NHSL1: variants seen among roughly 807,000 people sequenced by gnomAD.
The protein encoded by NHSL1 is NHS-like protein 1.
A neutral mutation model predicts 95.0 loss-of-function variants in NHSL1; 48 were observed. That is an observed-to-expected ratio of 0.51 (90% CI 0.40 to 0.64). The LOEUF (loss-of-function observed/expected upper bound fraction) is 0.64. NHSL1 is among the 30% of genes least tolerant of loss of function. NHSL1 has a pLI of 0.00. For synonymous variants in NHSL1, 783 were observed against 833.9 expected (o/e 0.94, Z 1.05); for missense variants, 1,971 against 2,077.7 (o/e 0.95, Z 1.00).
rs1775794232 is a variant in NHSL1 at position 138,432,798 on chromosome 6, A to G, written c.1547T>C (p.Met516Thr). The G allele has an allele frequency of 1.3e-6, 2 of 1,551,578 alleles. No homozygotes were observed. Among genetic ancestry groups the G allele is most frequent in the Non-Finnish European group, 1.7e-6 (2 of 1,146,992 alleles). Residue 516 changes from methionine to threonine, a missense_variant, in exon 6 of 8, where the codon ATG (methionine) becomes ACG (threonine). Met to Thr is a moderately conservative substitution (Grantham distance 81). Transcript: ENST00000343505. This position sits in a 1 kb window ranked among gnomAD's most constrained non-coding sequence, Gnocchi z 4.4. ...PANRENGSQA[M>T]PYNCRNNLAF... is the part of the protein sequence containing the mutation. The stretch of plus-strand genomic sequence containing the variant: ...CAGGTTGTTTCTACAATTATACGGC[A>G]TAGCTTGGGACCCATTCTCCCTATT...
Position 138,692,209 on chromosome 6 carries a change from A to G in NHSL1, c.96+267T>C. On this transcript the variant is annotated intron_variant, in intron 1 of 3. Transcript: ENST00000491526. The surrounding 1 kb of genome is among the most constrained non-coding windows in gnomAD (Gnocchi z 4.0). ...ACAGACACAGACAGACAGAAGGAGC[A>G]GACAAGGGGACTGTCCAATTCCCAC... is the stretch of plus-strand genomic sequence containing the variant. 1 of 456,682 alleles carries G rather than the reference A, an allele frequency of 2.2e-6. No homozygotes were observed. The highest frequency in any genetic ancestry group is 7.0e-5 in the East Asian group (1 of 14,378). The allele number at this position is 456,682 out of a possible 1,614,324, so 28.3% of individuals were successfully genotyped here.
At chr6:138,547,454 C>T (rs1782844788), upstream of NHSL1, among the ~76,000 whole-genome samples, 1 of 152,174 alleles carries the variant, frequency 6.6e-6, no homozygotes, top group Non-Finnish European at 1.5e-5. Context: ...GATCTCAGCT[C>T]ACTGCAAGCT....
Position 138,674,283 on chromosome 6 carries a change from T to A in NHSL1, c.96+18193A>T, listed in dbSNP as rs74986163. Among the ~76,000 whole-genome samples the A allele has an allele frequency of 3.7e-4, 10 of 26,756 alleles. No homozygotes were observed. In the South Asian group the frequency reaches 0.043, roughly 116 times the overall value. 17.6% of individuals were successfully genotyped at this position (26,756 alleles called of 152,430 possible). A position where few individuals can be genotyped will look rare whatever the true frequency, so the allele number is the denominator to read the frequency against. On this transcript the variant is annotated intron_variant, in intron 1 of 3. Coordinates refer to the NHSL1 transcript ENST00000491526. ...GCATCTGTTGATATAATTTTTTTAA[T>A]TTTTTGAAGCGTGTAATTTGGTTAT...
At chr6:138,429,442 C>T (rs1034385443) in intron 7 of NHSL1, among the ~76,000 whole-genome samples, 32 of 152,280 alleles carry the variant, frequency 2.1e-4, no homozygotes, top group East Asian at 1.5e-3. Flanking sequence ...TGCCACACTG[C>T]GCTCCTTGCC....
chr6:138,612,422 TA>T (rs1784526763), intron 1 of NHSL1, among the ~76,000 whole-genome samples: 1 of 151,872 alleles, frequency 6.6e-6, no homozygotes, highest in Non-Finnish European at 1.5e-5. Flanking sequence ...CAATGAAAAA[TA>T]ATAAGTATAA....
At chr6:138,493,608 T>C (rs1172818395) in intron 2 of NHSL1, among the ~76,000 whole-genome samples, 5 of 152,230 alleles carry the variant, frequency 3.3e-5, no homozygotes, top group Non-Finnish European at 5.9e-5. Flanking sequence ...CCAGACCATG[T>C]AGTGCTCTGT....
At chr6:138,582,917 C>T (rs957639482) in intron 1 of NHSL1, among the ~76,000 whole-genome samples, 7 of 152,224 alleles carry the variant, frequency 4.6e-5, no homozygotes, top group Admixed American at 6.5e-5. Context: ...CTACTGCTGC[C>T]TCCCAAACTC....
chr6:138,509,081 TCA>T (rs200500593), intron 1 of NHSL1, among the ~76,000 whole-genome samples: 1,826 of 152,326 alleles, frequency 0.012, 41 homozygotes, highest in African/African-American at 0.041. Flanking sequence ...CTTTCCCAAT[TCA>T]GTCATTCAAA....
At chr6:138,546,886 A>G (rs1471533231), upstream of NHSL1, among the ~76,000 whole-genome samples, 4 of 152,216 alleles carry the variant, frequency 2.6e-5, no homozygotes, top group South Asian at 4.1e-4. Context: ...CTTATGACAG[A>G]CCTGATGAGA....
intron 1 of NHSL1, among the ~76,000 whole-genome samples, chr6:138,684,197 G>A (rs1785552197): frequency 1.5e-5 from 2 of 137,664 alleles, no homozygotes; most frequent in Admixed American, 1.5e-4. Flanking sequence ...GGGAGACAGA[G>A]CAAGACTCCC....
At chr6:138,674,760 A>G (rs1318172209) in intron 1 of NHSL1, among the ~76,000 whole-genome samples, 1 of 152,166 alleles carries the variant, frequency 6.6e-6, no homozygotes, top group Non-Finnish European at 1.5e-5. Flanking sequence ...TGCTATTGTG[A>G]ACAGTGCTAC....
chr6:138,621,284 C>A (rs1784659981), intron 1 of NHSL1, among the ~76,000 whole-genome samples: 1 of 152,144 alleles, frequency 6.6e-6, no homozygotes, highest in Non-Finnish European at 1.5e-5. Context: ...AATTTAGTTC[C>A]ATGGGAAGTC....
intron 1 of NHSL1, among the ~76,000 whole-genome samples, chr6:138,535,292 A>G (rs1350407754): frequency 6.6e-6 from 1 of 152,156 alleles, no homozygotes; most frequent in Non-Finnish European, 1.5e-5. Flanking sequence ...GGCTGGGCGC[A>G]GTGGCTCACA....
intron 3 of NHSL1, among the ~76,000 whole-genome samples, chr6:138,455,648 T>C (rs1030540078): frequency 6.6e-6 from 1 of 152,206 alleles, no homozygotes; most frequent in South Asian, 2.1e-4. Context: ...ATTAAAATAA[T>C]AGTAATAGCT....
At chr6:138,580,492 T>C (rs1013968905) in intron 1 of NHSL1, among the ~76,000 whole-genome samples, 4 of 152,280 alleles carry the variant, frequency 2.6e-5, no homozygotes, top group Non-Finnish European at 5.9e-5. Context: ...ACTGGCTCTC[T>C]GGGGCGGGGA....
chr6:138,489,944 G>GGGAGAGAA (rs200274642), intron 2 of NHSL1, among the ~76,000 whole-genome samples: 3 of 63,436 alleles, frequency 4.7e-5, no homozygotes, highest in African/African-American at 2.2e-4. Context: ...GGGGGAGAGA[G>GGGAGAGAA]GGAGAGAAGG....
chr6:138,644,410 G>A (rs2114691617), intron 1 of NHSL1, among the ~76,000 whole-genome samples: 2 of 152,262 alleles, frequency 1.3e-5, no homozygotes, highest in South Asian at 4.1e-4. Flanking sequence ...GGCTGAGGCA[G>A]GAGAATCACT....
At chr6:138,650,627 C>T (rs1344951566) in intron 1 of NHSL1, 1 of 575,376 alleles carries the variant, frequency 1.7e-6, no homozygotes, top group Non-Finnish European at 3.5e-6. Flanking sequence ...TGGAGCTCAG[C>T]ACGCCACTAT....
chr6:138,647,172 T>A (rs1223393708), intron 1 of NHSL1, among the ~76,000 whole-genome samples: 1 of 152,238 alleles, frequency 6.6e-6, no homozygotes, highest in East Asian at 1.9e-4. Flanking sequence ...TTTTGTTCTG[T>A]AGTTTCCTGT....
Sources: gnomAD v4.1 joint callset for allele counts (sites outside exome capture counted in the v4.1 genomes callset) on GRCh38, gnomAD v4.1.1 for gene constraint, Gnocchi (gnomAD v3.1) non-coding constraint, MANE v1.5 for transcripts, NCBI Gene and HGNC (gene_info 2026-07-23, HGNC 2026-07-21) for gene names.